The following LRRIQ1 variants were observed in gnomAD, a reference collection of about 807,000 sequenced individuals.
LRRIQ1 encodes leucine-rich repeat- and IQ domain-containing protein 1.
LRRIQ1 carries 210 observed loss-of-function variants against 211.9 expected under a neutral mutation model. The ratio of observed to expected loss-of-function variants is 0.99; its 90% CI spans 0.89 to 1.11. LRRIQ1 has a LOEUF of 1.11. Ranked by LOEUF, LRRIQ1 falls within the 50% of genes most tolerant of loss-of-function variation. LRRIQ1 has a pLI of 0.00. For synonymous variants in LRRIQ1, 699 were observed against 650.1 expected (o/e 1.08, Z -1.14); for missense variants, 2,136 against 1,939.5 (o/e 1.10, Z -1.90).
At chr12:85,129,813 G>A (rs916388783) in intron 18 of LRRIQ1, among the ~76,000 whole-genome samples, 2 of 152,148 alleles carry the variant, frequency 1.3e-5, no homozygotes, top group Non-Finnish European at 2.9e-5. Context: ...TGACGTGGTC[G>A]AGTTTACTCT....
intron 11 of LRRIQ1, among the ~76,000 whole-genome samples, chr12:85,088,390 G>C (rs981930930): frequency 6.6e-6 from 1 of 152,122 alleles, no homozygotes; most frequent in Admixed American, 6.5e-5. Flanking sequence ...GATGCCTCCA[G>C]CTTTGTTCTT....
chr12:85,102,959 A>AAAAAAT (rs1458673370), intron 13 of LRRIQ1, among the ~76,000 whole-genome samples: 2 of 108,500 alleles, frequency 1.8e-5, no homozygotes, highest in African/African-American at 8.3e-5. Flanking sequence ...AAAAAAAAAA[A>AAAAAAT]ATATATATAT....
intron 17 of LRRIQ1, among the ~76,000 whole-genome samples, chr12:85,127,442 A>G (rs1888445835): frequency 6.6e-6 from 1 of 152,086 alleles, no homozygotes; most frequent in Non-Finnish European, 1.5e-5. Context: ...ATTTCTCCAC[A>G]AGGAATAGGA....
At position 85,073,015 on chromosome 12, in the gene LRRIQ1, G is replaced by A. The variant is rs771088493; in HGVS notation, c.2804G>A (p.Gly935Glu). 7.4e-6 allele frequency: 12 copies of A among 1,612,076 alleles called. No individual in the cohort carries two copies. Among genetic ancestry groups the A allele is most frequent in the African/African-American group, 2.7e-5 (2 of 74,738 alleles). ...CTGGCACAAGTCTGGATTCCAACTG[G>A]ATTATGTTGGTCCTGGATACCTATT... The part of the protein sequence containing the change: ...LSLAQVWIPT[G>E]LCWSWIPITS... Residue 935 changes from glycine (G) to glutamate (E), a missense_variant, in exon 11 of 27, where the codon GGA (glycine) becomes GAA (glutamate). By Grantham distance (98) the Gly-to-Glu change is moderately conservative. Coordinates refer to ENST00000393217, the MANE Select transcript of LRRIQ1 (RefSeq NM_001079910.2).
chr12:85,208,799 G>A (rs57551647), intron 24 of LRRIQ1, among the ~76,000 whole-genome samples: 30,738 of 151,956 alleles, frequency 0.2, 7,109 homozygotes, highest in African/African-American at 0.57. Context: ...AGTTCCAAAG[G>A]CAACACACTT....
chr12:85,235,961 C>T (rs1593008376), intron 26 of LRRIQ1, among the ~76,000 whole-genome samples: 1 of 152,064 alleles, frequency 6.6e-6, no homozygotes, highest in East Asian at 1.9e-4. Context: ...ATGGTTCTGG[C>T]ACAGGAATGG....
chr12:85,145,107 C>T (rs1164414211), intron 19 of LRRIQ1, among the ~76,000 whole-genome samples: 1 of 151,406 alleles, frequency 6.6e-6, no homozygotes, highest in Non-Finnish European at 1.5e-5. Flanking sequence ...TATATAAAAT[C>T]TTCTCAAACT....
intron 15 of LRRIQ1, among the ~76,000 whole-genome samples, chr12:85,116,510 C>T (rs934675030): frequency 1.3e-5 from 2 of 151,546 alleles, no homozygotes; most frequent in African/African-American, 4.9e-5. Context: ...CCCAACCTAT[C>T]AGCAGGGTTA....
chr12:85,132,151 T>C (rs933359027), intron 18 of LRRIQ1, among the ~76,000 whole-genome samples: 4 of 152,106 alleles, frequency 2.6e-5, no homozygotes, highest in Admixed American at 2.6e-4. Flanking sequence ...CTTTGGCTCA[T>C]GTCACTTAGC....
intron 24 of LRRIQ1, among the ~76,000 whole-genome samples, chr12:85,227,864 AC>A (rs1244130118): frequency 6.6e-6 from 1 of 152,110 alleles, no homozygotes; most frequent in Non-Finnish European, 1.5e-5. Flanking sequence ...CAGCAATAAT[AC>A]CACACATCTA....
intron 19 of LRRIQ1, among the ~76,000 whole-genome samples, chr12:85,146,882 C>A (rs1156313209): frequency 6.6e-6 from 1 of 151,580 alleles, no homozygotes; most frequent in Non-Finnish European, 1.5e-5. Context: ...CTCATCATAC[C>A]CAGGAATAGT....
rs1483316817 is a variant in LRRIQ1, at chr12:85,055,902, T to C, written c.1109T>C (p.Ile370Thr). The C allele has an allele frequency of 3.8e-6, 6 of 1,596,382 alleles. No homozygotes were observed. In the South Asian group the frequency reaches 5.8e-5, roughly 15 times the overall value. ...REKEYEEKKN[I>T]VKQEREQLIS... ...AAAGAATATGAAGAAAAAAAGAATA[T>C]TGTGAAACAGGAAAGAGAGCAACTA... Residue 370 changes from isoleucine to threonine, a missense_variant, in exon 8 of 27, where the codon ATT becomes ACT. Transcript: ENST00000393217.
In LRRIQ1 at chr12:85,044,733, C is replaced by T. The variant is rs1052298726; in HGVS notation, c.260C>T (p.Ala87Val). The T allele has an allele frequency of 6.4e-7, 1 of 1,550,820 alleles. No individual in the cohort carries two copies. Among genetic ancestry groups the T allele is most frequent in the African/African-American group, 1.4e-5 (1 of 73,814 alleles). ...DTDILSCSYG[A>V]VSNNHMHLRT... is the part of the protein sequence containing the mutation. ...CTTTCTCTAGGCTGTAGTTATGGAGCAGTTTCTAATAATCATATGCATTTA... is the reference window on the plus strand; with the variant it reads ...CTTTCTCTAGGCTGTAGTTATGGAGTAGTTTCTAATAATCATATGCATTTA... The change falls in exon 4 of 27, where the codon GCA (alanine) becomes GTA (valine). Residue 87 changes from alanine to valine, a missense_variant. Physicochemically the swap from Ala to Val is moderately conservative, Grantham distance 64. Coordinates refer to ENST00000393217, the MANE Select transcript of LRRIQ1 (RefSeq NM_001079910.2).
At chr12:85,251,039 ATAAT>A (rs1895929657) in intron 1 of LRRIQ1, among the ~76,000 whole-genome samples, 1 of 135,252 alleles carries the variant, frequency 7.4e-6, no homozygotes, top group South Asian at 2.2e-4. Flanking sequence ...TCTGAATATA[ATAAT>A]TTTCATATAT....
chr12:85,271,813 A>T, the LRRIQ1 span, among the ~76,000 whole-genome samples: 1 of 152,128 alleles, frequency 6.6e-6, no homozygotes, highest in Admixed American at 6.5e-5. Flanking sequence ...CCATTAATTT[A>T]ATCCTATCAT....
At chr12:85,117,660 T>C (rs1405851563) in intron 15 of LRRIQ1, among the ~76,000 whole-genome samples, 2 of 152,180 alleles carry the variant, frequency 1.3e-5, no homozygotes, top group Non-Finnish European at 2.9e-5. Flanking sequence ...CATCAAGTTG[T>C]TGAAGCTTTA....
intron 10 of LRRIQ1, among the ~76,000 whole-genome samples, chr12:85,070,567 T>TTTTG (rs539295771): frequency 6.6e-6 from 1 of 152,000 alleles, no homozygotes; most frequent in Non-Finnish European, 1.5e-5. Flanking sequence ...CCAACTTGTT[T>TTTTG]TTTGTTTGTT....
intron 24 of LRRIQ1, among the ~76,000 whole-genome samples, chr12:85,218,208 G>A (rs1894245012): frequency 6.6e-6 from 1 of 151,718 alleles, no homozygotes; most frequent in East Asian, 1.9e-4. Flanking sequence ...TACATATTTA[G>A]AATTCTGGTA....
intron 15 of LRRIQ1, among the ~76,000 whole-genome samples, chr12:85,110,461 A>T (rs911118672): frequency 6.6e-6 from 1 of 152,242 alleles, no homozygotes; most frequent in East Asian, 1.9e-4. Context: ...AGGCTAAATA[A>T]CTTGACCAAG....
Sources: allele counts gnomAD v4.1 joint callset (sites outside exome capture counted in the v4.1 genomes callset), GRCh38; gene constraint gnomAD v4.1.1; transcripts MANE v1.5; gene names NCBI Gene and HGNC (gene_info 2026-07-23, HGNC 2026-07-21).